IRS1: variants seen among roughly 807,000 people sequenced by gnomAD.
The protein encoded by IRS1 is insulin receptor substrate 1.
A neutral mutation model predicts 65.6 loss-of-function variants in IRS1; 34 were observed. The observed-to-expected ratio is 0.52, with a 90% confidence interval of 0.39 to 0.69. The LOEUF is 0.69. Ranked by LOEUF, IRS1 falls within the 30% of genes least tolerant of loss-of-function variation. The pLI, the probability that IRS1 is intolerant of heterozygous loss-of-function variation, is 0.00. For missense variants in IRS1, 1,641 were observed against 1,720.2 expected (o/e 0.95, Z 0.81); for synonymous variants, 699 against 683.5 (o/e 1.02, Z -0.35).
At chr2:226,777,641 T>G (rs779839307) in intron 1 of IRS1, among the ~76,000 whole-genome samples, 1 of 152,186 alleles carries the variant, frequency 6.6e-6, no homozygotes, top group Non-Finnish European at 1.5e-5. Context: ...GGGCGGGTCT[T>G]TCCTGTGCTG....
chr2:226,783,537 T>G (rs556804431), intron 1 of IRS1, among the ~76,000 whole-genome samples: 1 of 152,314 alleles, frequency 6.6e-6, no homozygotes. Context: ...CAATGAATAG[T>G]TATTTAAGGG....
Position 226,731,768 on chromosome 2 carries a change from G to GA in IRS1, c.*4503dup, listed in dbSNP as rs143983427. 73 of 151,910 alleles carry GA rather than the reference G, an allele frequency of 4.8e-4. No individual in the cohort carries two copies. Among genetic ancestry groups the GA allele is most frequent in the African/African-American group, 1.7e-3 (71 of 41,446 alleles). The allele number at this position is 151,910 out of a possible 1,614,324, so 9.4% of individuals were successfully genotyped here. A position where few individuals can be genotyped will look rare whatever the true frequency, so the allele number is the denominator to read the frequency against. On this transcript the variant is annotated 3_prime_UTR_variant, in exon 2 of 2. Transcript: ENST00000305123. ...CCACCCTGTAGCCAAGAGGTGTAAGGAAAGTACTTTGCAAGAAAAAATTGT... is the reference window on the plus strand; with the variant it reads ...CCACCCTGTAGCCAAGAGGTGTAAGGAAAAGTACTTTGCAAGAAAAAATTGT...
chr2:226,799,013 C>T lies in IRS1; in HGVS notation c.-275G>A, dbSNP rs1939829616. Reference sequence around the variant, plus strand: ...CGGGGTGAGGGCAGCCCCGATCCTCCGAGAGCCAAGTCTCCTCTCAGCCGC... The same window carrying T: ...CGGGGTGAGGGCAGCCCCGATCCTCTGAGAGCCAAGTCTCCTCTCAGCCGC... On this transcript the variant is annotated 5_prime_UTR_variant, in exon 1 of 2. Transcript: ENST00000305123. This position sits in a 1 kb window ranked among gnomAD's most constrained non-coding sequence, Gnocchi z 6.1. The T allele has an allele frequency of 1.4e-6, 2 of 1,411,528 alleles. No individual in the cohort carries two copies. Among genetic ancestry groups the T allele is most frequent in the Admixed American group, 6.0e-5 (2 of 33,108 alleles). 87.4% of individuals were successfully genotyped at this position (1,411,528 alleles called of 1,614,324 possible).
rs1274349982 is a variant in IRS1, at chr2:226,794,852, G to C, written c.*21+137C>G. ...GATGTCAGTGTGGGGTGAGCATCTT[G>C]TGTGCCCTGAGAATGTAAGTGCATT... On this transcript the variant is annotated intron_variant, in intron 1 of 1. Transcript: ENST00000305123. This position sits in a 1 kb window ranked among gnomAD's most constrained non-coding sequence, Gnocchi z 4.1. 1.2e-6 allele frequency: 1 copy of C among 801,662 alleles called. No individual in the cohort carries two copies. Among genetic ancestry groups the C allele is most frequent in the African/African-American group, 1.7e-5 (1 of 59,868 alleles). The allele number at this position is 801,662 out of a possible 1,614,324, so 49.7% of individuals were successfully genotyped here. A position where few individuals can be genotyped will look rare whatever the true frequency, so the allele number is the denominator to read the frequency against.
rs1939789694 is a variant in IRS1, at chr2:226,798,195, T to C, written c.544A>G (p.Ile182Val). The change falls in exon 1 of 2, where the codon ATC becomes GTC. Residue 182 changes from isoleucine (I) to valine (V), a missense_variant. By Grantham distance (29) the Ile-to-Val change is conservative (BLOSUM62 3). Around this residue, in one of 3 missense-constraint regions of IRS1, gnomAD observed 77 missense variants for 129.6 expected, o/e 0.59. Transcript: ENST00000305123. The surrounding 1 kb of genome is among the most constrained non-coding windows in gnomAD (Gnocchi z 9.4). Reference sequence around the variant, plus strand: ...TTGCTGGTCAGGCAAAGGCGGTAGATACCAATCAGGTTCTTTGTCTGACCC... The same window carrying C: ...TTGCTGGTCAGGCAAAGGCGGTAGACACCAATCAGGTTCTTTGTCTGACCC... ...GLGQTKNLIG[I>V]YRLCLTSKTI... is the part of the protein sequence containing the mutation. 6.2e-7 allele frequency: 1 copy of C among 1,613,972 alleles called. No homozygotes were observed. Among genetic ancestry groups the C allele is most frequent in the Non-Finnish European group, 8.5e-7 (1 of 1,180,030 alleles).
At chr2:226,793,721 T>C (rs747920041) in intron 1 of IRS1, among the ~76,000 whole-genome samples, 1 of 152,188 alleles carries the variant, frequency 6.6e-6, no homozygotes, top group East Asian at 1.9e-4. Flanking sequence ...CTGTGGAGCA[T>C]AGATAAAATT....
At chr2:226,763,735 C>T (rs1376992499) in intron 1 of IRS1, among the ~76,000 whole-genome samples, 1 of 152,094 alleles carries the variant, frequency 6.6e-6, no homozygotes, top group Non-Finnish European at 1.5e-5. Flanking sequence ...CACTATCCTC[C>T]CAGTAATTCC....
Position 226,795,074 on chromosome 2 carries a change from G to A in IRS1, c.3665C>T (p.Ser1222Leu), listed in dbSNP as rs760756636. 5.6e-6 allele frequency: 9 copies of A among 1,612,000 alleles called. No homozygotes were observed. The East Asian group carries it at 2.0e-4, about 36-fold the overall frequency. The change falls in exon 1 of 2, where the codon TCA becomes TTA. Residue 1222 changes from serine (S) to leucine (L), a missense_variant. Physicochemically the swap from Ser to Leu is moderately radical, Grantham distance 145 (BLOSUM62 -2). Transcript: ENST00000305123. ...GSGESSSTRRSSEDLSAYASI... is the reference protein window; with the variant it reads ...GSGESSSTRRLSEDLSAYASI... Reference sequence around the variant, plus strand: ...GGCATAGGCGCTTAAATCCTCACTTGAGCGGCGGGTGGAGCTGCTCTCACC... The same window carrying A: ...GGCATAGGCGCTTAAATCCTCACTTAAGCGGCGGGTGGAGCTGCTCTCACC...
chr2:226,752,458 A>G (rs1938703796), intron 1 of IRS1, among the ~76,000 whole-genome samples: 1 of 152,212 alleles, frequency 6.6e-6, no homozygotes, highest in African/African-American at 2.4e-5. Context: ...ATGGCAGTCA[A>G]CAGGCCTTAA....
intron 1 of IRS1, among the ~76,000 whole-genome samples, chr2:226,748,038 T>C (rs1938588456): frequency 6.6e-6 from 1 of 151,004 alleles, no homozygotes; most frequent in Non-Finnish European, 1.5e-5. Flanking sequence ...AGGGAGATAA[T>C]GAGATAAGGC....
chr2:226,746,785 CTTTTTTTTT>C (rs1213711501), intron 1 of IRS1, among the ~76,000 whole-genome samples: 1 of 118,440 alleles, frequency 8.4e-6, no homozygotes, highest in Admixed American at 8.6e-5. Flanking sequence ...TAGCAGCATT[CTTTTTTTTT>C]TTTTTTTTTT....
intron 1 of IRS1, among the ~76,000 whole-genome samples, chr2:226,767,927 G>A (rs138712411): frequency 5.9e-5 from 9 of 152,232 alleles, no homozygotes; most frequent in African/African-American, 2.2e-4. Context: ...CACACACACT[G>A]ACATTCCCAG....
Position 226,799,378 on chromosome 2 carries a change from T to G in IRS1, c.-640A>C. The G allele has an allele frequency of 7.9e-7, 1 of 1,266,788 alleles. No homozygotes were observed. The highest frequency in any genetic ancestry group is 1.0e-6 in the Non-Finnish European group (1 of 972,358). The allele number at this position is 1,266,788 out of a possible 1,614,324, so 78.5% of individuals were successfully genotyped here. A position where few individuals can be genotyped will look rare whatever the true frequency, so the allele number is the denominator to read the frequency against. On this transcript the variant is annotated 5_prime_UTR_variant, in exon 1 of 2. Coordinates refer to ENST00000305123, the MANE Select transcript of IRS1 (RefSeq NM_005544.3). The surrounding 1 kb of genome is among the most constrained non-coding windows in gnomAD (Gnocchi z 6.1). ...CGGCTGTTGCTGTTGCTGCTGCTGCTGCTGCTGCTGCTGCCGCCGCCCGCG... is the reference window on the plus strand; with the variant it reads ...CGGCTGTTGCTGTTGCTGCTGCTGCGGCTGCTGCTGCTGCCGCCGCCCGCG...
chr2:226,757,149 T>C (rs1328260070), intron 1 of IRS1, among the ~76,000 whole-genome samples: 1 of 152,186 alleles, frequency 6.6e-6, no homozygotes, highest in Admixed American at 6.5e-5. Context: ...TAATAATTTA[T>C]GACAACGACT....
At position 226,797,984 on chromosome 2, in the gene IRS1, G is replaced by A. The variant is rs542156343; in HGVS notation, c.755C>T (p.Thr252Ile). The change falls in exon 1 of 2, where the codon ACC becomes ATC. Residue 252 changes from threonine to isoleucine, a missense_variant. This residue lies in a region of IRS1 where 77 missense variants were observed against 129.6 expected (regional missense o/e 0.59). Coordinates refer to ENST00000305123, the MANE Select transcript of IRS1 (RefSeq NM_005544.3). This position sits in a 1 kb window ranked among gnomAD's most constrained non-coding sequence, Gnocchi z 8.1. ...CATGGCCCGCATGGCCTCCAGGATG[G>A]TCTCGTGCATGTTCTGGGCCACCAC... ...DSVVAQNMHE[T>I]ILEAMRAMSD... The A allele has an allele frequency of 6.2e-7, 1 of 1,614,094 alleles. No homozygotes were observed. Among genetic ancestry groups the A allele is most frequent in the Non-Finnish European group, 8.5e-7 (1 of 1,180,024 alleles).
chr2:226,737,086 TC>T (rs1156520989), intron 1 of IRS1, among the ~76,000 whole-genome samples: 1 of 86,798 alleles, frequency 1.2e-5, no homozygotes. Context: ...GTGTTATCCC[TC>T]CCCCCTCCCC....
At chr2:226,751,511 C>T (rs939094183) in intron 1 of IRS1, among the ~76,000 whole-genome samples, 3 of 152,026 alleles carry the variant, frequency 2.0e-5, no homozygotes, top group Non-Finnish European at 4.4e-5. Flanking sequence ...TCTCGATCTC[C>T]TAACCTCGTG....
chr2:226,766,150 TATATA>T (rs1939038484), intron 1 of IRS1, among the ~76,000 whole-genome samples: 3 of 10,096 alleles, frequency 3.0e-4, no homozygotes, highest in African/African-American at 5.3e-4. Flanking sequence ...TATATATATA[TATATA>T]TATATATATT....
intron 1 of IRS1, among the ~76,000 whole-genome samples, chr2:226,748,342 T>C (rs192265184): frequency 2.1e-5 from 3 of 144,720 alleles, no homozygotes; most frequent in African/African-American, 7.8e-5. Context: ...GGCACAAGAA[T>C]CACTTGAACC....
Sources: gnomAD v4.1 joint callset for allele counts (sites outside exome capture counted in the v4.1 genomes callset) on GRCh38, gnomAD v4.1.1 for gene constraint, gnomAD v4.1.1 regional missense constraint, Gnocchi (gnomAD v3.1) non-coding constraint, MANE v1.5 for transcripts, NCBI Gene and HGNC (gene_info 2026-07-23, HGNC 2026-07-21) for gene names.